The following GRID1 variants were observed in gnomAD, a reference collection of about 807,000 sequenced individuals.
The protein encoded by GRID1 is glutamate receptor ionotropic, delta-1.
Under a neutral mutation model 98.0 loss-of-function variants are expected in GRID1, and 28 were observed. That is an observed-to-expected ratio of 0.29 (90% CI 0.21 to 0.39). The LOEUF (loss-of-function observed/expected upper bound fraction) is 0.39, where lower values mean the gene tolerates loss of function less well. GRID1 is among the 10% of genes least tolerant of loss of function. The pLI, the probability that GRID1 is intolerant of heterozygous loss-of-function variation, is 1.00. For synonymous variants in GRID1, 553 were observed against 538.5 expected, an observed-to-expected ratio of 1.03 and a Z score of -0.37; for missense variants, 1,111 against 1,340.5, an observed-to-expected ratio of 0.83 and a Z score of 2.67.
At chr10:86,103,950 C>T (rs1456586188) in intron 4 of GRID1, among the ~76,000 whole-genome samples, 1 of 152,196 alleles carries the variant, frequency 6.6e-6, no homozygotes, top group African/African-American at 2.4e-5. Context: ...AACTGTTCCT[C>T]CTGGCCTCAG....
intron 2 of GRID1, among the ~76,000 whole-genome samples, chr10:86,344,979 T>C (rs1257923792): frequency 6.6e-6 from 1 of 152,228 alleles, no homozygotes; most frequent in East Asian, 1.9e-4. Flanking sequence ...CCTGCCCGGA[T>C]GGACAATCCA....
chr10:86,262,506 T>C (rs1847031255), intron 2 of GRID1, among the ~76,000 whole-genome samples: 1 of 152,106 alleles, frequency 6.6e-6, no homozygotes. Context: ...CCACACCATC[T>C]TGGGCATGGA....
At chr10:85,879,520 T>G (rs1182591815) in intron 5 of GRID1, among the ~76,000 whole-genome samples, 1 of 152,070 alleles carries the variant, frequency 6.6e-6, no homozygotes, top group African/African-American at 2.4e-5. Flanking sequence ...CCTGAATGAC[T>G]ACTGGGGACA....
At chr10:86,357,579 C>G (rs1025250064) in intron 2 of GRID1, among the ~76,000 whole-genome samples, 2 of 152,144 alleles carry the variant, frequency 1.3e-5, no homozygotes, top group Non-Finnish European at 2.9e-5. Flanking sequence ...CATATGTGCA[C>G]GTGTGTGTGC....
intron 12 of GRID1, among the ~76,000 whole-genome samples, chr10:85,704,646 C>T (rs967772834): frequency 6.6e-6 from 1 of 152,152 alleles, no homozygotes; most frequent in African/African-American, 2.4e-5. Context: ...AACTCTCCAC[C>T]CCAAATTAAC....
intron 2 of GRID1, among the ~76,000 whole-genome samples, chr10:86,220,919 CA>C (rs1846243515): frequency 6.6e-6 from 1 of 152,224 alleles, no homozygotes; most frequent in Non-Finnish European, 1.5e-5. Flanking sequence ...AAGGGTCTCT[CA>C]AGATGGAAAA....
chr10:86,200,765 A>G (rs554763395), intron 3 of GRID1, among the ~76,000 whole-genome samples: 4 of 152,370 alleles, frequency 2.6e-5, no homozygotes, highest in African/African-American at 9.6e-5. Context: ...AGGCAAAAAA[A>G]TCAACTACAA....
At chr10:86,282,436 A>T (rs1347767060) in intron 2 of GRID1, among the ~76,000 whole-genome samples, 1 of 152,122 alleles carries the variant, frequency 6.6e-6, no homozygotes, top group Non-Finnish European at 1.5e-5. Flanking sequence ...CCTTCCATGG[A>T]TCCAGGTGCC....
At chr10:85,653,362 TTTCTCTAGTATG>T (rs1840853128) in intron 12 of GRID1, among the ~76,000 whole-genome samples, 1 of 152,206 alleles carries the variant, frequency 6.6e-6, no homozygotes, top group Admixed American at 6.5e-5. Context: ...AGGGCATGTG[TTTCTCTAGTATG>T]TCCTCGCACT....
At chr10:86,080,861 G>T (rs928463290) in intron 4 of GRID1, among the ~76,000 whole-genome samples, 1 of 151,716 alleles carries the variant, frequency 6.6e-6, no homozygotes, top group African/African-American at 2.4e-5. Context: ...AGGGGACAGG[G>T]TATCTACACA....
chr10:85,721,251 T>C (rs1031689554), intron 12 of GRID1, among the ~76,000 whole-genome samples: 20 of 152,170 alleles, frequency 1.3e-4, no homozygotes, highest in Non-Finnish European at 2.6e-4. Flanking sequence ...GGCAGAAATA[T>C]AAAATGATAC....
chr10:85,843,533 T>C (rs917276181), intron 8 of GRID1, among the ~76,000 whole-genome samples: 2 of 152,050 alleles, frequency 1.3e-5, no homozygotes, highest in African/African-American at 2.4e-5. Context: ...TTGCAAACTA[T>C]ATATCCAATA....
At chr10:85,897,178 G>A (rs573445359) in intron 5 of GRID1, among the ~76,000 whole-genome samples, 250 of 152,228 alleles carry the variant, frequency 1.6e-3, no homozygotes, top group Admixed American at 4.6e-3. Flanking sequence ...GGAGCAGAAG[G>A]AATTAGAGCA....
chr10:86,085,389 C>A (rs998840738), intron 4 of GRID1, among the ~76,000 whole-genome samples: 1 of 152,190 alleles, frequency 6.6e-6, no homozygotes, highest in African/African-American at 2.4e-5. Context: ...TAGGGTGGAA[C>A]TGGCAGATGC....
rs576489934 is a variant in GRID1, at chr10:85,679,101, A to G, written c.1998-31704T>C. 7.2e-5 allele frequency among the ~76,000 whole-genome samples: 11 copies of G among 152,308 alleles called. No homozygotes were observed. In the South Asian group the frequency reaches 2.1e-3, roughly 29 times the overall value. Reference sequence around the variant, plus strand: ...AGGGATAGAACATTCTTCTGCCATAACTACCATGGCAGTAATTCTCAGTGG... The same window carrying G: ...AGGGATAGAACATTCTTCTGCCATAGCTACCATGGCAGTAATTCTCAGTGG... On this transcript the variant is annotated intron_variant, in intron 12 of 15. Transcript: ENST00000327946.
intron 9 of GRID1, among the ~76,000 whole-genome samples, chr10:85,729,045 A>G (rs1590207654): frequency 6.6e-6 from 1 of 152,154 alleles, no homozygotes; most frequent in East Asian, 1.9e-4. Flanking sequence ...CCATGCAGAA[A>G]AGTTGCAACT....
intron 3 of GRID1, among the ~76,000 whole-genome samples, chr10:86,157,310 C>T (rs992864427): frequency 2.6e-5 from 4 of 152,040 alleles, no homozygotes; most frequent in African/African-American, 9.7e-5. Context: ...GAATGTTGGC[C>T]CAGGAAGAGA....
At chr10:86,010,932 G>A (rs1842917984) in intron 4 of GRID1, among the ~76,000 whole-genome samples, 1 of 152,052 alleles carries the variant, frequency 6.6e-6, no homozygotes. Flanking sequence ...GAATCATGAA[G>A]GCTATCAAGA....
intron 8 of GRID1, among the ~76,000 whole-genome samples, chr10:85,743,027 T>G: frequency 9.0e-6 from 1 of 110,916 alleles, no homozygotes; most frequent in South Asian, 3.3e-4. Context: ...CTCCCCCGAC[T>G]CCCCGGCCCC....
Sources: allele counts gnomAD v4.1 joint callset (sites outside exome capture counted in the v4.1 genomes callset), GRCh38; gene constraint gnomAD v4.1.1; transcripts MANE v1.5; gene names NCBI Gene and HGNC (gene_info 2026-07-23, HGNC 2026-07-21).